IPP: variants seen among roughly 807,000 people sequenced by gnomAD.
The protein encoded by IPP is intracisternal A particle-promoted polypeptide.
IPP carries 41 observed loss-of-function variants against 64.1 expected under a neutral mutation model. The ratio of observed to expected loss-of-function variants is 0.64; its 90% confidence interval spans 0.50 to 0.83. IPP has a LOEUF of 0.83. Ranked by LOEUF, IPP falls within the 40% of genes least tolerant of loss-of-function variation. The pLI is 0.00. For missense variants in IPP, 649 were observed against 703.0 expected (o/e 0.92, Z 0.87); for synonymous variants, 214 against 235.2 (o/e 0.91, Z 0.83).
intron 5 of IPP, among the ~76,000 whole-genome samples, chr1:45,725,317 C>T (rs1358082798): frequency 7.3e-6 from 1 of 136,532 alleles, no homozygotes; most frequent in Non-Finnish European, 1.6e-5. Context: ...CCCGGCCAGC[C>T]GCCCCGTCCG....
chr1:45,711,720 C>T (rs1316647063), intron 8 of IPP, among the ~76,000 whole-genome samples: 1 of 149,598 alleles, frequency 6.7e-6, no homozygotes, highest in Non-Finnish European at 1.5e-5. Flanking sequence ...TGCCACTGTA[C>T]TCTAGCTTAG....
rs754028188 is a variant in IPP at position 45,741,080 on chromosome 1, T to G, written c.545A>C (p.Gln182Pro). The change falls in exon 3 of 9, where the codon CAG becomes CCG. Residue 182 changes from glutamine (Q) to proline (P), a missense_variant. Physicochemically the swap from Gln to Pro is moderately conservative, Grantham distance 76. Transcript: ENST00000396478. ...GEEFLALTKD[Q>P]LIKILRSEEL... Reference sequence around the variant, plus strand: ...TTCACTTCGCAAAATTTTGATCAGCTGATCTTTCGTAAGTGCCAGGAACTC... The same window carrying G: ...TTCACTTCGCAAAATTTTGATCAGCGGATCTTTCGTAAGTGCCAGGAACTC... The G allele has an allele frequency of 5.6e-6, 9 of 1,614,158 alleles. No homozygotes were observed. In the South Asian group the frequency reaches 9.9e-5, roughly 18 times the overall value.
At chr1:45,728,131 T>C (rs945314610) in intron 4 of IPP, among the ~76,000 whole-genome samples, 5 of 120,500 alleles carry the variant, frequency 4.1e-5, no homozygotes, top group African/African-American at 1.7e-4. Flanking sequence ...GAAAGCTGTG[T>C]GTGTGTGTGT....
chr1:45,724,893 G>C (rs1362397934), intron 5 of IPP, among the ~76,000 whole-genome samples: 1 of 149,494 alleles, frequency 6.7e-6, no homozygotes, highest in Non-Finnish European at 1.5e-5. Flanking sequence ...GAGGTGGGGG[G>C]GGTCAGCCCC....
At chr1:45,746,755 AT>A (rs943475098) in intron 1 of IPP, among the ~76,000 whole-genome samples, 125 of 152,312 alleles carry the variant, frequency 8.2e-4, no homozygotes, top group African/African-American at 2.8e-3. Flanking sequence ...AGTAAAAAAA[AT>A]AATAATAAAA....
At chr1:45,738,110 G>T (rs890850486) in intron 3 of IPP, among the ~76,000 whole-genome samples, 7 of 152,120 alleles carry the variant, frequency 4.6e-5, no homozygotes. Context: ...CCACTGGGGG[G>T]TTCTTAGAAT....
chr1:45,709,537 T>C (rs951136628), intron 8 of IPP, among the ~76,000 whole-genome samples: 3 of 144,970 alleles, frequency 2.1e-5, no homozygotes, highest in East Asian at 2.1e-4. Context: ...ATAGTAAACA[T>C]ATGGGTATTT....
intron 8 of IPP, among the ~76,000 whole-genome samples, chr1:45,710,162 T>C: frequency 1.1e-5 from 1 of 94,744 alleles, no homozygotes; most frequent in Non-Finnish European, 2.2e-5. Context: ...GAGGCGGAGG[T>C]TGCAGTGAGC....
At chr1:45,730,126 T>G (rs902700583) in intron 3 of IPP, among the ~76,000 whole-genome samples, 1 of 152,182 alleles carries the variant, frequency 6.6e-6, no homozygotes, top group Admixed American at 6.6e-5. Context: ...GTCAGGTGGA[T>G]TGCTTGAGCC....
At chr1:45,722,348 C>T (rs1272126059) in intron 5 of IPP, among the ~76,000 whole-genome samples, 2 of 151,618 alleles carry the variant, frequency 1.3e-5, no homozygotes, top group South Asian at 2.1e-4. Context: ...TTCAGGAGTT[C>T]GAGACCAGCC....
intron 5 of IPP, 43 bp from the exon 6 acceptor site, chr1:45,719,383 G>A: frequency 7.6e-7 from 1 of 1,314,960 alleles, no homozygotes; most frequent in Middle Eastern, 1.9e-4. Context: ...GTTTAGTAAT[G>A]CCAACAGACT....
At chr1:45,718,574 C>T (rs1645690754) in intron 6 of IPP, among the ~76,000 whole-genome samples, 1 of 152,056 alleles carries the variant, frequency 6.6e-6, no homozygotes, top group East Asian at 1.9e-4. Context: ...GCACCCCCTC[C>T]AATCCCTGAC....
intron 2 of IPP, among the ~76,000 whole-genome samples, chr1:45,742,424 G>A (rs989033170): frequency 6.6e-6 from 1 of 152,294 alleles, no homozygotes; most frequent in Non-Finnish European, 1.5e-5. Flanking sequence ...TAAAGTCTAT[G>A]CTTTTAACAT....
chr1:45,696,793 AAAAC>A (rs2148542711), downstream of IPP: 1 of 152,486 alleles, frequency 6.6e-6, no homozygotes, highest in Non-Finnish European at 1.5e-5. Flanking sequence ...AACAAAAACA[AAAAC>A]AAAACCAATC....
chr1:45,740,583 T>C (rs1298027312), intron 3 of IPP, among the ~76,000 whole-genome samples: 2 of 152,220 alleles, frequency 1.3e-5, no homozygotes, highest in Admixed American at 6.5e-5. Flanking sequence ...ACTGAAATAA[T>C]TGGTTCTGTC....
At chr1:45,748,724 C>T (rs1415638009) in intron 1 of IPP, among the ~76,000 whole-genome samples, 1 of 152,000 alleles carries the variant, frequency 6.6e-6, no homozygotes, top group Non-Finnish European at 1.5e-5. Context: ...TTAATCCCAG[C>T]ACTTTGGAAG....
chr1:45,744,324 A>G (rs981779319), intron 2 of IPP, among the ~76,000 whole-genome samples: 66 of 152,052 alleles, frequency 4.3e-4, no homozygotes, highest in African/African-American at 1.5e-3. Context: ...AAGACTATAC[A>G]TCGTTTTGGT....
chr1:45,742,015 C>T (rs1646073707), intron 2 of IPP, among the ~76,000 whole-genome samples: 1 of 152,172 alleles, frequency 6.6e-6, no homozygotes, highest in Admixed American at 6.6e-5. Flanking sequence ...TAGGGGTTGA[C>T]ATCAAAGTCC....
intron 8 of IPP, 24 bp from the exon 9 acceptor site, chr1:45,700,214 T>A (rs1645434500): frequency 6.4e-7 from 1 of 1,552,304 alleles, no homozygotes; most frequent in South Asian, 1.2e-5. Context: ...AAAAAAAAAA[T>A]ATGTTAGCAG....
Sources: gnomAD v4.1 joint callset for allele counts (sites outside exome capture counted in the v4.1 genomes callset) on GRCh38, gnomAD v4.1.1 for gene constraint, MANE v1.5 for transcripts, NCBI Gene and HGNC (gene_info 2026-07-23, HGNC 2026-07-21) for gene names.